DPP8: variants seen among roughly 807,000 people sequenced by gnomAD.
DPP8 encodes dipeptidyl peptidase 8, also known as DPP VIII.
DPP8 carries 31 observed loss-of-function variants against 107.5 expected under a neutral mutation model. The ratio of observed to expected loss-of-function variants is 0.29; its 90% CI spans 0.22 to 0.39. The LOEUF is 0.39. DPP8 is among the 10% of genes least tolerant of loss of function. The pLI, the probability that DPP8 is intolerant of heterozygous loss-of-function variation, is 1.00. For synonymous variants in DPP8, 381 were observed against 356.6 expected (o/e 1.07, Z -0.77); for missense variants, 842 against 1,076.1 (o/e 0.78, Z 3.04).
At chr15:65,499,105 G>GTGTGTGTGTGTGTGTA (rs1555468189) in intron 4 of DPP8, among the ~76,000 whole-genome samples, 214 of 138,812 alleles carry the variant, frequency 1.5e-3, no homozygotes, top group African/African-American at 5.0e-3. Context: ...GTGTGTGTGT[G>GTGTGTGTGTGTGTGTA]TATATATAAA....
At chr15:65,450,903 C>A in intron 19 of DPP8, 96 bp downstream of exon 19, 1 of 754,040 alleles carries the variant, frequency 1.3e-6, no homozygotes, top group Non-Finnish European at 2.3e-6. Context: ...AGGGTGGACA[C>A]TCTAAAAATC....
At position 65,481,549 on chromosome 15, in the gene DPP8, T is replaced by G; in HGVS notation, c.1084A>C (p.Ile362Leu). 1 of 1,594,306 alleles carries G rather than the reference T, an allele frequency of 6.3e-7. No individual in the cohort carries two copies. Among genetic ancestry groups the G allele is most frequent in the East Asian group, 2.3e-5 (1 of 43,490 alleles). Residue 362 changes from isoleucine to leucine, a missense_variant, in exon 9 of 20, where the codon ATT becomes CTT. Physicochemically the swap from Ile to Leu is conservative, Grantham distance 5. Transcript: ENST00000300141. ...FEILFEGVEY[I>L]ARAGWTPEGK... The stretch of plus-strand genomic sequence containing the variant: ...TCAGGAGTCCATCCAGCTCTGGCAA[T>G]ATATTCAACTCCTTCAAATAGAATC...
At chr15:65,514,904 G>A (rs761748828) in intron 1 of DPP8, among the ~76,000 whole-genome samples, 5 of 152,318 alleles carry the variant, frequency 3.3e-5, no homozygotes, top group East Asian at 1.9e-4. Context: ...CTTGTGTTAC[G>A]TTTGGAAGTT....
chr15:65,489,997 G>A (rs575392005), intron 6 of DPP8, among the ~76,000 whole-genome samples, 192 bp downstream of exon 6: 2 of 152,290 alleles, frequency 1.3e-5, no homozygotes, highest in South Asian at 4.1e-4. Context: ...GGGATTACAG[G>A]TGTTAGCCAC....
chr15:65,512,666 AG>A, intron 1 of DPP8, 102 bp from the exon 2 acceptor site: 1 of 1,303,498 alleles, frequency 7.7e-7, no homozygotes, highest in Non-Finnish European at 1.1e-6. Context: ...GGGGAGGGCA[AG>A]AAAAAAATGC....
At chr15:65,507,425 T>C in intron 2 of DPP8, 70 bp from the exon 3 acceptor site, 1 of 933,660 alleles carries the variant, frequency 1.1e-6, no homozygotes. Context: ...CAGTTGCAAG[T>C]ACATAATGCC....
At chr15:65,448,879 T>TCTAAA (rs2063724653) in intron 19 of DPP8, among the ~76,000 whole-genome samples, 2 of 41,688 alleles carry the variant, frequency 4.8e-5, no homozygotes, top group Non-Finnish European at 9.3e-5. Flanking sequence ...TATATATATA[T>TCTAAA]ATATATATAT....
intron 8 of DPP8, among the ~76,000 whole-genome samples, chr15:65,484,533 G>A (rs562441640): frequency 3.3e-5 from 5 of 151,926 alleles, no homozygotes; most frequent in Admixed American, 1.3e-4. Flanking sequence ...ATATATCTCA[G>A]TAAAGCTGTT....
chr15:65,478,657 A>G (rs911406662), intron 11 of DPP8, among the ~76,000 whole-genome samples: 1 of 152,224 alleles, frequency 6.6e-6, no homozygotes, highest in Non-Finnish European at 1.5e-5. Context: ...GTTATTTAAG[A>G]GATTATTCAC....
At chr15:65,482,044 A>ATC (rs2066980550) in intron 8 of DPP8, among the ~76,000 whole-genome samples, 1 of 151,222 alleles carries the variant, frequency 6.6e-6, no homozygotes, top group East Asian at 1.9e-4. Context: ...ATATATATAT[A>ATC]TTTTTTGAGA....
At chr15:65,502,919 T>C (rs1383446783) in intron 3 of DPP8, 1 of 152,086 alleles carries the variant, frequency 6.6e-6, no homozygotes, top group Non-Finnish European at 1.5e-5. Flanking sequence ...TGTAAAACAC[T>C]GTTCAAAGAA....
chr15:65,457,659 G>C (rs1242573941), intron 15 of DPP8, among the ~76,000 whole-genome samples: 1 of 152,188 alleles, frequency 6.6e-6, no homozygotes, highest in Non-Finnish European at 1.5e-5. Flanking sequence ...TCACTGCCTA[G>C]AACAGTACCT....
intron 8 of DPP8, among the ~76,000 whole-genome samples, chr15:65,482,619 T>A (rs1292202669): frequency 6.6e-6 from 1 of 152,118 alleles, no homozygotes; most frequent in Non-Finnish European, 1.5e-5. Context: ...ATAAGCAAAG[T>A]TTTTTCTTTT....
At chr15:65,453,625 T>C (rs1297624490) in intron 17 of DPP8, among the ~76,000 whole-genome samples, 1 of 149,312 alleles carries the variant, frequency 6.7e-6, no homozygotes, top group African/African-American at 2.5e-5. Context: ...AAAAATTAGC[T>C]GGAAATCACT....
intron 2 of DPP8, 54 bp from the exon 3 acceptor site, chr15:65,507,409 C>T: frequency 8.7e-7 from 1 of 1,149,792 alleles, no homozygotes. Flanking sequence ...ATTCTTACTA[C>T]AGTCACAGTT....
intron 19 of DPP8, 46 bp downstream of exon 19, chr15:65,450,953 T>C (rs1235319748): frequency 1.7e-6 from 2 of 1,158,990 alleles, no homozygotes; most frequent in Non-Finnish European, 2.6e-6. Context: ...AAGTAATCAA[T>C]CACTAATCAT....
intron 2 of DPP8, among the ~76,000 whole-genome samples, chr15:65,509,950 G>A (rs2070546193): frequency 6.6e-6 from 1 of 152,152 alleles, no homozygotes. Context: ...AAGCCTGGGA[G>A]GTGGAGGTTG....
chr15:65,493,667 C>A (rs1041347551), intron 5 of DPP8, among the ~76,000 whole-genome samples: 12 of 152,066 alleles, frequency 7.9e-5, no homozygotes, highest in African/African-American at 2.9e-4. Flanking sequence ...AGATAAGTAA[C>A]CCCCATTTGT....
chr15:65,476,250 T>C (rs1044749806), intron 11 of DPP8, among the ~76,000 whole-genome samples: 1 of 152,164 alleles, frequency 6.6e-6, no homozygotes, highest in African/African-American at 2.4e-5. Context: ...AAAAATATTT[T>C]AAACTCGAAG....
Sources: allele counts gnomAD v4.1 joint callset (sites outside exome capture counted in the v4.1 genomes callset), GRCh38; gene constraint gnomAD v4.1.1; transcripts MANE v1.5; gene names NCBI Gene and HGNC (gene_info 2026-07-23, HGNC 2026-07-21).